NKAIN2: variants seen among roughly 807,000 people sequenced by gnomAD.
The protein encoded by NKAIN2 is sodium/potassium transporting ATPase interacting 2, also known as sodium/potassium-transporting ATPase subunit beta-1-interacting protein 2.
In NKAIN2, 14 loss-of-function variants were observed where a neutral mutation model predicts 32.6. The ratio of observed to expected loss-of-function variants is 0.43; its 90% CI spans 0.28 to 0.67. The LOEUF (loss-of-function observed/expected upper bound fraction) is 0.67. Among genes scored for constraint, NKAIN2 ranks in the 30% least tolerant of loss-of-function variants. NKAIN2 has a pLI of 0.17. For synonymous variants in NKAIN2, 80 were observed against 87.2 expected (o/e 0.92, Z 0.46); for missense variants, 198 against 258.3 (o/e 0.77, Z 1.60).
At chr6:124,487,779 G>A (rs1229527124) in intron 3 of NKAIN2, among the ~76,000 whole-genome samples, 1 of 152,038 alleles carries the variant, frequency 6.6e-6, no homozygotes, top group South Asian at 2.1e-4. Flanking sequence ...GAAAATATCT[G>A]TTCCAAGTGT....
intron 1 of NKAIN2, among the ~76,000 whole-genome samples, chr6:124,066,699 T>G (rs1166286271): frequency 6.6e-6 from 1 of 152,154 alleles, no homozygotes; most frequent in Non-Finnish European, 1.5e-5. Flanking sequence ...GCCATATGTG[T>G]TTTTATGTAA....
intron 3 of NKAIN2, among the ~76,000 whole-genome samples, chr6:124,628,940 T>G (rs1783458378): frequency 6.6e-6 from 1 of 151,888 alleles, no homozygotes; most frequent in East Asian, 1.9e-4. Flanking sequence ...CCCCAAGGAG[T>G]GTGAGCATTC....
chr6:123,834,553 A>G (rs1483604740), intron 1 of NKAIN2, among the ~76,000 whole-genome samples: 1 of 152,182 alleles, frequency 6.6e-6, no homozygotes, highest in Non-Finnish European at 1.5e-5. Flanking sequence ...CAATCTGTGT[A>G]TTTTAATTCA....
intron 1 of NKAIN2, among the ~76,000 whole-genome samples, chr6:124,190,514 C>T (rs917823158): frequency 2.6e-5 from 4 of 152,082 alleles, no homozygotes; most frequent in Admixed American, 6.5e-5. Flanking sequence ...TTTGTGAAGA[C>T]GTTTGTTGGA....
At chr6:124,525,398 G>A (rs568315634) in intron 3 of NKAIN2, among the ~76,000 whole-genome samples, 97 of 152,072 alleles carry the variant, frequency 6.4e-4, no homozygotes, top group African/African-American at 2.1e-3. Flanking sequence ...CAGTACTTGC[G>A]ATTTTCATGT....
At chr6:124,705,522 A>T (rs1775014937) in intron 4 of NKAIN2, among the ~76,000 whole-genome samples, 2 of 152,078 alleles carry the variant, frequency 1.3e-5, no homozygotes, top group Admixed American at 1.3e-4. Flanking sequence ...CATGGGTACA[A>T]GTCTCCTGTT....
At chr6:123,968,156 G>A (rs1275468194) in intron 1 of NKAIN2, among the ~76,000 whole-genome samples, 1 of 152,124 alleles carries the variant, frequency 6.6e-6, no homozygotes, top group Non-Finnish European at 1.5e-5. Flanking sequence ...TTTCAAATGT[G>A]TTCTCAGTAT....
At chr6:124,580,253 T>C (rs905650541) in intron 3 of NKAIN2, among the ~76,000 whole-genome samples, 8 of 152,140 alleles carry the variant, frequency 5.3e-5, no homozygotes, top group African/African-American at 1.7e-4. Context: ...AGAAAGACTA[T>C]AAAGTAAGCC....
chr6:124,406,282 C>A (rs954761433), intron 3 of NKAIN2, among the ~76,000 whole-genome samples: 4 of 151,190 alleles, frequency 2.6e-5, no homozygotes, highest in Admixed American at 2.6e-4. Flanking sequence ...TTATTTATTT[C>A]TTTCTCTATA....
At chr6:123,966,871 A>G (rs979051408) in intron 1 of NKAIN2, among the ~76,000 whole-genome samples, 1 of 152,194 alleles carries the variant, frequency 6.6e-6, no homozygotes, top group Non-Finnish European at 1.5e-5. Context: ...AATCACAGAC[A>G]TGGTTCCAGC....
intron 3 of NKAIN2, among the ~76,000 whole-genome samples, chr6:124,574,827 T>A (rs1369620606): frequency 6.6e-6 from 1 of 152,182 alleles, no homozygotes; most frequent in Non-Finnish European, 1.5e-5. Context: ...GTATACAGAA[T>A]GCCTAGTACC....
intron 1 of NKAIN2, among the ~76,000 whole-genome samples, chr6:124,229,666 G>T (rs1250050658): frequency 1.3e-5 from 2 of 152,138 alleles, no homozygotes; most frequent in African/African-American, 4.8e-5. Context: ...AACCATGGAA[G>T]TGGGTCTTTG....
intron 4 of NKAIN2, among the ~76,000 whole-genome samples, chr6:124,722,901 A>G: frequency 6.6e-6 from 1 of 152,192 alleles, no homozygotes; most frequent in East Asian, 1.9e-4. Flanking sequence ...TCATTTTTAG[A>G]TCTACTATTT....
rs1562367850 is a variant in NKAIN2 at position 124,759,657 on chromosome 6, C to CACACACACACA, written c.475-31682_475-31681insACACACACACA. Among the ~76,000 whole-genome samples, 307 of 75,458 alleles carry CACACACACACA rather than the reference C, an allele frequency of 4.1e-3. 48 individuals are homozygous for CACACACACACA. The highest frequency in any genetic ancestry group is 0.016 in the East Asian group (40 of 2,538). 49.5% of individuals were successfully genotyped at this position (75,458 alleles called of 152,430 possible). A position where few individuals can be genotyped will look rare whatever the true frequency, so the allele number is the denominator to read the frequency against. ...CACACACACACACACACACACACAC[C>CACACACACACA]CCCTATCTCCCTTTCCTGCCTTATT... On this transcript the variant is annotated intron_variant, in intron 4 of 6. Transcript: ENST00000368417.
At chr6:124,158,088 A>G (rs1484145754) in intron 1 of NKAIN2, among the ~76,000 whole-genome samples, 2 of 152,212 alleles carry the variant, frequency 1.3e-5, no homozygotes, top group African/African-American at 4.8e-5. Context: ...ATAAAATACT[A>G]TAGGTTGAGT....
In NKAIN2 at chr6:123,876,202, C is replaced by T. The variant is rs929100360; in HGVS notation, c.54+71948C>T. Among the ~76,000 whole-genome samples, 3 of 152,034 alleles carry T rather than the reference C, an allele frequency of 2.0e-5. 1 individual carries two copies. Among genetic ancestry groups the T allele is most frequent in the East Asian group, 3.9e-4 (2 of 5,178 alleles). On this transcript the variant is annotated intron_variant, in intron 1 of 6. Transcript: ENST00000368417. ...CTGTCTGCTCATACATATCTGCAAC[C>T]GAAAAATATACAATATTTCTCCATT...
rs551344418 is a variant in NKAIN2 at position 124,386,224 on chromosome 6, G to A, written c.273+30877G>A. ...CACCTGTCGAGGTAGAGAAGTACTC[G>A]CTGGTAACGCCTTCCTGGATGTTTT... is the stretch of plus-strand genomic sequence containing the variant. On this transcript the variant is annotated intron_variant, in intron 3 of 6. Transcript: ENST00000368417. Among the ~76,000 whole-genome samples, 27 of 152,248 alleles carry A rather than the reference G, an allele frequency of 1.8e-4. No individual in the cohort carries two copies. In the South Asian group the frequency reaches 2.9e-3, roughly 16 times the overall value.
intron 3 of NKAIN2, among the ~76,000 whole-genome samples, chr6:124,604,908 C>T (rs779745080): frequency 2.6e-5 from 4 of 151,950 alleles, no homozygotes; most frequent in Non-Finnish European, 4.4e-5. Flanking sequence ...TTCATTGCTC[C>T]ATCCCAAATA....
intron 1 of NKAIN2, among the ~76,000 whole-genome samples, chr6:123,853,770 A>T (rs953839092): frequency 6.6e-6 from 1 of 151,342 alleles, no homozygotes; most frequent in Admixed American, 6.6e-5. Flanking sequence ...TAAAAGATAA[A>T]TTTCCTTTTT....
Sources: allele counts gnomAD v4.1 joint callset (sites outside exome capture counted in the v4.1 genomes callset), GRCh38; gene constraint gnomAD v4.1.1; transcripts MANE v1.5; gene names NCBI Gene and HGNC (gene_info 2026-07-23, HGNC 2026-07-21).